TYW1B: variants seen among roughly 807,000 people sequenced by gnomAD.
The protein encoded by TYW1B is S-adenosyl-L-methionine-dependent tRNA 4-demethylwyosine synthase TYW1B.
In TYW1B, 73 loss-of-function variants were observed where a neutral mutation model predicts 86.9. The observed-to-expected ratio is 0.84, with a 90% CI of 0.70 to 1.02. The LOEUF is 1.02. Ranked by LOEUF, TYW1B falls within the 50% of genes least tolerant of loss-of-function variation. The pLI, the probability that TYW1B is intolerant of heterozygous loss-of-function variation, is 0.00. For synonymous variants in TYW1B, 248 were observed against 292.8 expected (o/e 0.85, Z 1.56); for missense variants, 637 against 827.4 (o/e 0.77, Z 2.82).
intron 8 of TYW1B, among the ~76,000 whole-genome samples, chr7:72,738,254 G>GT: frequency 6.6e-6 from 1 of 150,876 alleles, no homozygotes; most frequent in Admixed American, 6.6e-5. Context: ...CTAATTTTTT[G>GT]TATTTTTTTA....
chr7:72,587,877 G>T (rs1390525293), intron 13 of TYW1B, among the ~76,000 whole-genome samples: 1 of 152,136 alleles, frequency 6.6e-6, no homozygotes, highest in East Asian at 1.9e-4. Context: ...ACAGCTTGGG[G>T]GTTAGAAGCA....
intron 11 of TYW1B, among the ~76,000 whole-genome samples, chr7:72,658,419 G>A (rs782633499): frequency 2.0e-5 from 3 of 152,106 alleles, no homozygotes; most frequent in Admixed American, 6.5e-5. Flanking sequence ...TGCAAAGCAC[G>A]ATCCAATTTG....
At chr7:72,785,393 AATT>A (rs1788110695) in intron 6 of TYW1B, among the ~76,000 whole-genome samples, 1 of 147,622 alleles carries the variant, frequency 6.8e-6, no homozygotes, top group African/African-American at 2.5e-5. Flanking sequence ...TTCTAATTCT[AATT>A]ATATAATTCT....
At chr7:72,809,487 C>G (rs1481556480) in intron 4 of TYW1B, among the ~76,000 whole-genome samples, 8 of 151,792 alleles carry the variant, frequency 5.3e-5, no homozygotes, top group African/African-American at 1.9e-4. Flanking sequence ...ACCCTCATCT[C>G]TAAAAAAATT....
intron 10 of TYW1B, among the ~76,000 whole-genome samples, chr7:72,697,507 T>C (rs1164173215): frequency 1.3e-5 from 2 of 152,206 alleles, no homozygotes; most frequent in East Asian, 3.8e-4. Flanking sequence ...TTCTGAGCTT[T>C]AGGGATCTTA....
At chr7:72,638,217 G>A (rs1305099317) in intron 11 of TYW1B, among the ~76,000 whole-genome samples, 12 of 151,416 alleles carry the variant, frequency 7.9e-5, no homozygotes, top group Non-Finnish European at 1.8e-4. Flanking sequence ...AGACATCTTG[G>A]TTATCAAACA....
chr7:72,603,297 G>T (rs1811717498), intron 13 of TYW1B, among the ~76,000 whole-genome samples: 1 of 149,038 alleles, frequency 6.7e-6, no homozygotes, highest in Admixed American at 6.7e-5. Flanking sequence ...ACAGATGACA[G>T]ATGATTGATG....
intron 13 of TYW1B, among the ~76,000 whole-genome samples, chr7:72,587,962 T>G (rs1257008754): frequency 2.6e-5 from 4 of 152,218 alleles, no homozygotes; most frequent in Non-Finnish European, 4.4e-5. Flanking sequence ...ATTACAGTGG[T>G]ATCTTTTGAA....
At chr7:72,603,092 TGATGGATG>T (rs61589472) in intron 13 of TYW1B, among the ~76,000 whole-genome samples, 31,940 of 146,928 alleles carry the variant, frequency 0.22, 3,338 homozygotes, top group African/African-American at 0.35. Context: ...GACAGACAGA[TGATGGATG>T]GATGGATGGA....
chr7:72,808,233 G>A (rs115948434), intron 4 of TYW1B, among the ~76,000 whole-genome samples: 2,263 of 152,250 alleles, frequency 0.015, 57 homozygotes, highest in African/African-American at 0.05. Flanking sequence ...TGAGAAGAAT[G>A]CTCAAGCCCA....
chr7:72,655,440 A>G (rs2129569312), intron 11 of TYW1B, among the ~76,000 whole-genome samples: 1 of 152,122 alleles, frequency 6.6e-6, no homozygotes, highest in African/African-American at 2.4e-5. Flanking sequence ...CCCCCACCAG[A>G]CTGCATCCTG....
intron 10 of TYW1B, among the ~76,000 whole-genome samples, chr7:72,709,464 C>T (rs1239553061): frequency 3.1e-4 from 21 of 67,552 alleles, no homozygotes; most frequent in East Asian, 5.0e-4. Flanking sequence ...GTCAGGAGAT[C>T]GAGACCATCC....
At chr7:72,619,399 T>C (rs1321361800) in intron 12 of TYW1B, among the ~76,000 whole-genome samples, 2 of 151,850 alleles carry the variant, frequency 1.3e-5, no homozygotes, top group Admixed American at 1.3e-4. Flanking sequence ...CCCAGCACTT[T>C]GGGAGGCCGA....
chr7:72,820,890 G>C (rs1306447367), intron 2 of TYW1B, among the ~76,000 whole-genome samples: 1 of 152,194 alleles, frequency 6.6e-6, no homozygotes, highest in Non-Finnish European at 1.5e-5. Context: ...AAAGCTGTGA[G>C]AATCAACAAC....
intron 8 of TYW1B, among the ~76,000 whole-genome samples, chr7:72,732,758 A>C (rs1787134574): frequency 6.6e-6 from 1 of 152,104 alleles, no homozygotes. Flanking sequence ...AAAAAATAAT[A>C]ATCAGAGCAA....
intron 13 of TYW1B, among the ~76,000 whole-genome samples, chr7:72,592,552 ATTAC>A (rs1379694441): frequency 6.6e-6 from 1 of 152,236 alleles, no homozygotes; most frequent in Non-Finnish European, 1.5e-5. Context: ...CATATCAGTC[ATTAC>A]TTTCGATGCC....
At chr7:72,807,933 G>A (rs1210718590) in intron 4 of TYW1B, among the ~76,000 whole-genome samples, 1 of 152,002 alleles carries the variant, frequency 6.6e-6, no homozygotes, top group Admixed American at 6.6e-5. Flanking sequence ...TACGCCAGGC[G>A]AAGTGTCTCA....
At chr7:72,697,543 C>T (rs1429132091) in intron 10 of TYW1B, among the ~76,000 whole-genome samples, 1 of 152,172 alleles carries the variant, frequency 6.6e-6, no homozygotes, top group African/African-American at 2.4e-5. Context: ...GGTCTCTATT[C>T]ACCCAGAAGA....
At chr7:72,726,818 A>G (rs1489677452) in intron 9 of TYW1B, among the ~76,000 whole-genome samples, 1 of 152,184 alleles carries the variant, frequency 6.6e-6, no homozygotes, top group Admixed American at 6.6e-5. Context: ...AAAGGAAAAG[A>G]GGTTTGATTG....
Sources: allele counts gnomAD v4.1 joint callset (sites outside exome capture counted in the v4.1 genomes callset), GRCh38; gene constraint gnomAD v4.1.1; transcripts MANE v1.5; gene names NCBI Gene and HGNC (gene_info 2026-07-23, HGNC 2026-07-21).